The following NSG2 variants were observed in gnomAD, a reference collection of about 807,000 sequenced individuals.
NSG2 encodes neuronal vesicle trafficking-associated protein 2.
NSG2 carries 4 observed loss-of-function variants against 16.9 expected under a neutral mutation model. That is an observed-to-expected ratio of 0.24 (90% CI 0.12 to 0.54). The LOEUF is 0.54. Among genes scored for constraint, NSG2 ranks in the 20% least tolerant of loss-of-function variants. NSG2 has a pLI of 0.95. For missense variants in NSG2, 179 were observed against 221.1 expected (o/e 0.81, Z 1.21); for synonymous variants, 98 against 88.7 (o/e 1.11, Z -0.59).
At chr5:174,069,426 C>G (rs1363628071) in intron 3 of NSG2, among the ~76,000 whole-genome samples, 1 of 152,150 alleles carries the variant, frequency 6.6e-6, no homozygotes. Context: ...AGAGGCACAG[C>G]TGTCCTCCAG....
At chr5:174,104,719 T>C (rs1014999138) in intron 4 of NSG2, among the ~76,000 whole-genome samples, 2 of 152,154 alleles carry the variant, frequency 1.3e-5, no homozygotes, top group African/African-American at 4.8e-5. Context: ...GGTGTGAAGG[T>C]AGGGCTGGTG....
In NSG2 at chr5:174,090,112, C is replaced by T. The variant is rs183686540; in HGVS notation, c.214-14116C>T. Among the ~76,000 whole-genome samples, 191 of 152,316 alleles carry T rather than the reference C, an allele frequency of 1.3e-3. 1 individual carries two copies. The highest frequency in any genetic ancestry group is 4.0e-3 in the African/African-American group (168 of 41,560). On this transcript the variant is annotated intron_variant, in intron 3 of 4. Transcript: ENST00000303177. ...TTGGGCACAGGGGCAGCTGTGTTGA[C>T]GGTCCCCAAGACCATCCCCAGGTTC...
intron 4 of NSG2, among the ~76,000 whole-genome samples, chr5:174,104,677 C>G (rs1232571719): frequency 6.6e-6 from 1 of 152,148 alleles, no homozygotes; most frequent in African/African-American, 2.4e-5. Flanking sequence ...GGCTCAATGG[C>G]TGTTTGCTTA....
At chr5:174,093,516 A>G (rs1028183031) in intron 3 of NSG2, among the ~76,000 whole-genome samples, 3 of 152,054 alleles carry the variant, frequency 2.0e-5, no homozygotes, top group African/African-American at 7.3e-5. Context: ...TTCATTCACT[A>G]CTTGGTACTA....
intron 3 of NSG2, among the ~76,000 whole-genome samples, chr5:174,068,407 A>G (rs529890709): frequency 3.8e-4 from 58 of 152,332 alleles, no homozygotes; most frequent in Non-Finnish European, 7.5e-4. Context: ...GAAAATGGGA[A>G]AATGCAGAGA....
chr5:174,069,878 T>C, intron 3 of NSG2, among the ~76,000 whole-genome samples: 1 of 149,220 alleles, frequency 6.7e-6, no homozygotes, highest in South Asian at 2.1e-4. Context: ...TAGGCCATTT[T>C]TTTTTTTTTT....
chr5:174,060,569 T>A (rs1477563563), intron 2 of NSG2, among the ~76,000 whole-genome samples: 1 of 152,162 alleles, frequency 6.6e-6, no homozygotes, highest in Non-Finnish European at 1.5e-5. Flanking sequence ...TTAAGTGGCT[T>A]AAAACCCATA....
At chr5:174,062,962 G>T (rs930799787) in intron 2 of NSG2, among the ~76,000 whole-genome samples, 48 of 152,172 alleles carry the variant, frequency 3.2e-4, no homozygotes, top group African/African-American at 1.1e-3. Context: ...ATGGTTAGAA[G>T]ATTACTTCAT....
chr5:174,088,756 A>G (rs1287414963), intron 3 of NSG2, among the ~76,000 whole-genome samples: 1 of 152,180 alleles, frequency 6.6e-6, no homozygotes, highest in Non-Finnish European at 1.5e-5. Flanking sequence ...GGTGGCTATT[A>G]GGATTCTCGT....
At chr5:174,055,283 G>T (rs746572716) in intron 2 of NSG2, among the ~76,000 whole-genome samples, 7 of 152,182 alleles carry the variant, frequency 4.6e-5, no homozygotes, top group Non-Finnish European at 8.8e-5. Context: ...CTTGCCCCAT[G>T]CTATGCATTG....
intron 2 of NSG2, among the ~76,000 whole-genome samples, chr5:174,059,050 T>TGGATTTGAAGAGAG (rs1760008061): frequency 1.3e-5 from 2 of 152,186 alleles, no homozygotes. Context: ...AAGCAGGACA[T>TGGATTTGAAGAGAG]GGATTTGAAG....
intron 3 of NSG2, among the ~76,000 whole-genome samples, chr5:174,087,909 C>A (rs1276575305): frequency 6.6e-6 from 1 of 152,116 alleles, no homozygotes; most frequent in Non-Finnish European, 1.5e-5. Flanking sequence ...GCACAGCCCA[C>A]AGACAAAGCC....
intron 3 of NSG2, among the ~76,000 whole-genome samples, chr5:174,096,218 G>T (rs1760792112): frequency 6.6e-6 from 1 of 152,236 alleles, no homozygotes; most frequent in African/African-American, 2.4e-5. Context: ...TCCCAAGAGG[G>T]GCGGCAGACA....
chr5:174,049,142 A>G (rs1759847114), intron 2 of NSG2, among the ~76,000 whole-genome samples: 1 of 152,126 alleles, frequency 6.6e-6, no homozygotes, highest in African/African-American at 2.4e-5. Context: ...GATCGAGACC[A>G]TCCTGGCGAA....
At chr5:174,048,001 A>C (rs1391485770) in intron 2 of NSG2, among the ~76,000 whole-genome samples, 1 of 152,228 alleles carries the variant, frequency 6.6e-6, no homozygotes, top group East Asian at 1.9e-4. Context: ...CCAAAGCTAG[A>C]TAAAGGGGCT....
intron 3 of NSG2, among the ~76,000 whole-genome samples, chr5:174,066,577 A>AT (rs1190322555): frequency 6.6e-6 from 1 of 152,230 alleles, no homozygotes; most frequent in Non-Finnish European, 1.5e-5. Context: ...AATTATATGT[A>AT]TATGAGATAC....
intron 3 of NSG2, among the ~76,000 whole-genome samples, chr5:174,070,926 C>T (rs1052427180): frequency 1.3e-5 from 2 of 152,164 alleles, no homozygotes; most frequent in Non-Finnish European, 2.9e-5. Flanking sequence ...CATTGTGGGC[C>T]CTGTCTCTTG....
At chr5:174,064,374 A>G in intron 3 of NSG2, 59 bp downstream of exon 3, 2 of 1,187,110 alleles carry the variant, frequency 1.7e-6, no homozygotes, top group Non-Finnish European at 2.5e-6. Context: ...CAGCCAGCTC[A>G]GCACACCTCG....
intron 3 of NSG2, among the ~76,000 whole-genome samples, chr5:174,077,026 A>C (rs1760356025): frequency 6.6e-6 from 1 of 152,304 alleles, no homozygotes; most frequent in African/African-American, 2.4e-5. Flanking sequence ...TTGAAGCCTT[A>C]GAAAAATTAG....
Sources: gnomAD v4.1 joint callset for allele counts (sites outside exome capture counted in the v4.1 genomes callset) on GRCh38, gnomAD v4.1.1 for gene constraint, MANE v1.5 for transcripts, NCBI Gene and HGNC (gene_info 2026-07-23, HGNC 2026-07-21) for gene names.